Variants in CPPED1 observed in about 807,000 individuals in gnomAD.
CPPED1 encodes the protein serine/threonine-protein phosphatase CPPED1.
Under a neutral mutation model 28.0 loss-of-function variants are expected in CPPED1, and 28 were observed. The observed-to-expected ratio is 1.00, with a 90% confidence interval of 0.74 to 1.37. The LOEUF is 1.37. Among genes scored for constraint, CPPED1 ranks in the 40% most tolerant of loss-of-function variants. The pLI, the probability that CPPED1 is intolerant of heterozygous loss-of-function variation, is 0.00. For synonymous variants in CPPED1, 198 were observed against 180.2 expected (o/e 1.10, Z -0.79); for missense variants, 504 against 416.5 (o/e 1.21, Z -1.83).
At chr16:12,699,090 G>A (rs944465391) in intron 3 of CPPED1, among the ~76,000 whole-genome samples, 3 of 152,162 alleles carry the variant, frequency 2.0e-5, no homozygotes, top group Non-Finnish European at 4.4e-5. Context: ...ATAAAGGACC[G>A]AGAAAATGTC....
intron 2 of CPPED1, among the ~76,000 whole-genome samples, chr16:12,778,056 C>T (rs1281007211): frequency 6.6e-6 from 1 of 151,632 alleles, no homozygotes; most frequent in Non-Finnish European, 1.5e-5. Flanking sequence ...ATGACAGGCC[C>T]ACGCCACCAT....
intron 2 of CPPED1, among the ~76,000 whole-genome samples, chr16:12,756,252 G>A (rs1197447953): frequency 6.6e-6 from 1 of 152,194 alleles, no homozygotes; most frequent in Non-Finnish European, 1.5e-5. Flanking sequence ...AGCTGTGGAT[G>A]TAGTCAGTTA....
At chr16:12,789,576 AG>A (rs11344785) in intron 1 of CPPED1, among the ~76,000 whole-genome samples, 3,428 of 152,266 alleles carry the variant, frequency 0.023, 85 homozygotes, top group African/African-American at 0.064. Flanking sequence ...CCCAGGTTGG[AG>A]TGCAGTGGCA....
At chr16:12,767,111 G>A (rs2141230233) in intron 2 of CPPED1, among the ~76,000 whole-genome samples, 1 of 152,180 alleles carries the variant, frequency 6.6e-6, no homozygotes, top group South Asian at 2.1e-4. Context: ...GGTTCACAGG[G>A]TCACAGGGGC....
rs538385690 is a variant in CPPED1 at position 12,682,095 on chromosome 16, G to A, written c.716-16980C>T. The stretch of plus-strand genomic sequence containing the variant: ...GTCGCCTATGTTGGAGTGCAGTGGC[G>A]CGATCTTGGCTCACTGCAACTTGCG... On this transcript the variant is annotated intron_variant, in intron 3 of 3. Transcript: ENST00000381774. This position sits in a 1 kb window ranked among gnomAD's most constrained non-coding sequence, Gnocchi z 6.1. Among the ~76,000 whole-genome samples, 8 of 152,152 alleles carry A rather than the reference G, an allele frequency of 5.3e-5. No individual in the cohort carries two copies. Among genetic ancestry groups the A allele is most frequent in the South Asian group, 2.1e-4 (1 of 4,804 alleles).
chr16:12,712,701 G>A (rs1311790570), intron 2 of CPPED1, among the ~76,000 whole-genome samples: 1 of 152,088 alleles, frequency 6.6e-6, no homozygotes, highest in East Asian at 1.9e-4. Flanking sequence ...GACAGTAAGT[G>A]AAAACAGGAA....
chr16:12,668,550 A>G (rs1596437839), intron 3 of CPPED1, among the ~76,000 whole-genome samples: 1 of 152,366 alleles, frequency 6.6e-6, no homozygotes, highest in Non-Finnish European at 1.5e-5. Flanking sequence ...AAGTGAAAAG[A>G]CAACCCATGG....
At chr16:12,697,997 C>G (rs1185915730) in intron 3 of CPPED1, among the ~76,000 whole-genome samples, 1 of 152,104 alleles carries the variant, frequency 6.6e-6, no homozygotes, top group East Asian at 1.9e-4. Context: ...GTAATCCCAG[C>G]TACTTGGGAG....
intron 2 of CPPED1, among the ~76,000 whole-genome samples, chr16:12,754,344 C>T (rs1441574339): frequency 6.6e-6 from 1 of 152,214 alleles, no homozygotes; most frequent in African/African-American, 2.4e-5. Flanking sequence ...CCAGCAGCTG[C>T]TTGTTAGCTG....
intron 2 of CPPED1, among the ~76,000 whole-genome samples, chr16:12,741,418 G>A (rs1299794481): frequency 6.6e-6 from 1 of 151,680 alleles, no homozygotes; most frequent in Non-Finnish European, 1.5e-5. Flanking sequence ...ATAAAGGGAC[G>A]CCATTCACTG....
intron 2 of CPPED1, among the ~76,000 whole-genome samples, chr16:12,778,108 C>A (rs1267742109): frequency 2.0e-5 from 3 of 151,722 alleles, no homozygotes; most frequent in African/African-American, 7.3e-5. Context: ...TGGGGTTTCA[C>A]CATGTTGGCC....
intron 2 of CPPED1, among the ~76,000 whole-genome samples, chr16:12,719,032 G>T (rs931539730): frequency 1.3e-5 from 2 of 152,088 alleles, no homozygotes; most frequent in Non-Finnish European, 2.9e-5. Flanking sequence ...AAGGTGAAAG[G>T]CATGTCTTAC....
intron 3 of CPPED1, among the ~76,000 whole-genome samples, chr16:12,690,324 G>A (rs1445738090): frequency 6.6e-6 from 1 of 151,166 alleles, no homozygotes; most frequent in Non-Finnish European, 1.5e-5. Flanking sequence ...GACCAACTTG[G>A]GCAACACGGT....
intron 2 of CPPED1, among the ~76,000 whole-genome samples, chr16:12,756,396 T>C (rs1402979671): frequency 6.6e-6 from 1 of 152,322 alleles, no homozygotes; most frequent in East Asian, 1.9e-4. Context: ...GCAGCAGAGA[T>C]GCATTTAAGA....
At chr16:12,797,955 C>A (rs10852358) in intron 1 of CPPED1, among the ~76,000 whole-genome samples, 1 of 151,648 alleles carries the variant, frequency 6.6e-6, no homozygotes, top group Non-Finnish European at 1.5e-5. Flanking sequence ...TGGTGGTGCA[C>A]GCCTGTAGTC....
At chr16:12,704,303 T>G (rs1276364420) in intron 3 of CPPED1, among the ~76,000 whole-genome samples, 1 of 152,134 alleles carries the variant, frequency 6.6e-6, no homozygotes, top group African/African-American at 2.4e-5. Context: ...ACTCCAATCT[T>G]CAACTGTGAG....
chr16:12,765,307 A>C (rs2080432226), intron 2 of CPPED1, among the ~76,000 whole-genome samples: 1 of 152,206 alleles, frequency 6.6e-6, no homozygotes, highest in South Asian at 2.1e-4. Context: ...CCAGTTTTTA[A>C]ATTACACATG....
rs757943303 is a variant in CPPED1, at chr16:12,664,665, C to T, written c.*221G>A. The T allele has an allele frequency of 7.4e-5, 102 of 1,376,552 alleles. No homozygotes were observed. The highest frequency in any genetic ancestry group is 1.4e-4 in the Admixed American group (4 of 27,912). 85.3% of individuals were successfully genotyped at this position (1,376,552 alleles called of 1,614,324 possible). A position where few individuals can be genotyped will look rare whatever the true frequency, so the allele number is the denominator to read the frequency against. ...CAGAGATAGTCTAATATTTTAAAAA[C>T]TGATTTCCAGGATCATTCGCTCCAT... On this transcript the variant is annotated 3_prime_UTR_variant, in exon 4 of 4. Transcript: ENST00000381774. The surrounding 1 kb of genome is among the most constrained non-coding windows in gnomAD (Gnocchi z 4.2).
At position 12,794,055 on chromosome 16, in the gene CPPED1, A is replaced by G. The variant is rs140046033; in HGVS notation, c.70+9652T>C. Among the ~76,000 whole-genome samples the G allele has an allele frequency of 2.1e-3, 320 of 152,170 alleles. 9 individuals are homozygous for G. Among genetic ancestry groups the G allele is most frequent in the Admixed American group, 3.9e-3 (60 of 15,250 alleles). Reference sequence around the variant, plus strand: ...TTTCAGCAGTTTAAAAAAAAAAATCACACACCAAAGAGTAGCTAAACAATA... The same window carrying G: ...TTTCAGCAGTTTAAAAAAAAAAATCGCACACCAAAGAGTAGCTAAACAATA... On this transcript the variant is annotated intron_variant, in intron 1 of 3. Coordinates refer to ENST00000381774, the MANE Select transcript of CPPED1 (RefSeq NM_018340.3).
Sources: gnomAD v4.1 joint callset for allele counts (sites outside exome capture counted in the v4.1 genomes callset) on GRCh38, gnomAD v4.1.1 for gene constraint, Gnocchi (gnomAD v3.1) non-coding constraint, MANE v1.5 for transcripts, NCBI Gene and HGNC (gene_info 2026-07-23, HGNC 2026-07-21) for gene names.